The following ABCA12 variants were observed in gnomAD, a reference collection of about 807,000 sequenced individuals.
ABCA12 encodes glucosylceramide transporter ABCA12.
Under a neutral mutation model 293.5 loss-of-function variants are expected in ABCA12, and 156 were observed. That is an observed-to-expected ratio of 0.53 (90% confidence interval 0.47 to 0.61). The LOEUF is 0.61. ABCA12 is among the 20% of genes least tolerant of loss of function. ABCA12 has a pLI of 0.00. For missense variants in ABCA12, 2,797 were observed against 3,090.2 expected (o/e 0.91, Z 2.25); for synonymous variants, 1,063 against 1,108.0 (o/e 0.96, Z 0.81).
intron 39 of ABCA12, among the ~76,000 whole-genome samples, chr2:214,966,016 A>G (rs1195306137): frequency 2.0e-5 from 3 of 152,250 alleles, no homozygotes; most frequent in African/African-American, 7.2e-5. Context: ...CTGGATAAAT[A>G]AAATGTGGTA....
At chr2:214,945,567 A>T (rs1202945423) in intron 48 of ABCA12, among the ~76,000 whole-genome samples, 2 of 152,202 alleles carry the variant, frequency 1.3e-5, no homozygotes, top group Non-Finnish European at 2.9e-5. Context: ...GTTTTCTGTT[A>T]TTAATTGAAA....
chr2:215,092,744 G>A (rs1342857665), intron 2 of ABCA12, among the ~76,000 whole-genome samples: 1 of 152,070 alleles, frequency 6.6e-6, no homozygotes. Flanking sequence ...CAACCAAATT[G>A]TCTTGCCTAT....
At chr2:215,033,010 C>T (rs1299671897) in intron 8 of ABCA12, among the ~76,000 whole-genome samples, 4 of 152,168 alleles carry the variant, frequency 2.6e-5, no homozygotes, top group Non-Finnish European at 4.4e-5. Flanking sequence ...TTGTCTGTCA[C>T]CTGTATCAGT....
chr2:215,086,517 A>G (rs571906544), intron 2 of ABCA12, among the ~76,000 whole-genome samples: 42 of 152,336 alleles, frequency 2.8e-4, no homozygotes, highest in Admixed American at 8.5e-4. Flanking sequence ...TGGCTTGACT[A>G]GAAATACTGT....
At chr2:215,104,048 T>C (rs1702413019) in intron 2 of ABCA12, among the ~76,000 whole-genome samples, 1 of 152,162 alleles carries the variant, frequency 6.6e-6, no homozygotes, top group Non-Finnish European at 1.5e-5. Context: ...TCGGATAGAC[T>C]TGGACATTAG....
chr2:214,942,916 G>A lies in ABCA12; in HGVS notation c.7436+9C>T. On this transcript the variant is annotated intron_variant, in intron 50 of 52. Transcript: ENST00000272895. Reference sequence around the variant, plus strand: ...ACACTATCTGTTAAGCAATGCATTTGTTCTTCACCTGCTCTTTATGTGCTG... The same window carrying A: ...ACACTATCTGTTAAGCAATGCATTTATTCTTCACCTGCTCTTTATGTGCTG... 1 of 1,611,542 alleles carries A rather than the reference G, an allele frequency of 6.2e-7. No individual in the cohort carries two copies. Among genetic ancestry groups the A allele is most frequent in the Non-Finnish European group, 8.5e-7 (1 of 1,178,400 alleles).
intron 2 of ABCA12, among the ~76,000 whole-genome samples, chr2:215,092,006 C>T (rs1312007230): frequency 1.3e-5 from 2 of 152,214 alleles, no homozygotes; most frequent in African/African-American, 2.4e-5. Context: ...CCCTGGAATG[C>T]TGGCCCAAAG....
chr2:214,986,464 T>C (rs1287651385), intron 28 of ABCA12, 78 bp downstream of exon 28: 7 of 1,304,406 alleles, frequency 5.4e-6, no homozygotes, highest in Non-Finnish European at 7.7e-6. Context: ...TTTATAAACA[T>C]AGGTTAGTTT....
rs1446103729 is a variant in ABCA12, at chr2:214,931,799, A to G, written c.*835T>C. On this transcript the variant is annotated 3_prime_UTR_variant, in exon 53 of 53. Coordinates refer to ENST00000272895, the MANE Select transcript of ABCA12 (RefSeq NM_173076.3). ...GAATGTTTCCTGAAAAGAAACCCCA[A>G]ATATGAGGGTTTCTGAAAGAGCTTT... 1 of 152,498 alleles carries G rather than the reference A, an allele frequency of 6.6e-6. No homozygotes were observed. Among genetic ancestry groups the G allele is most frequent in the East Asian group, 1.9e-4 (1 of 5,188 alleles). 9.4% of individuals were successfully genotyped at this position (152,498 alleles called of 1,614,324 possible).
Position 215,129,861 on chromosome 2 carries a change from G to A in ABCA12, c.69+8279C>T, listed in dbSNP as rs543394112. On this transcript the variant is annotated intron_variant, in intron 1 of 52. Coordinates refer to ENST00000272895, the MANE Select transcript of ABCA12 (RefSeq NM_173076.3). ...TTCTTTTAGGATTTTTATAGTTTAA[G>A]TCTTATGTTTAGGTCTTTAATCCAT... Among the ~76,000 whole-genome samples the A allele has an allele frequency of 7.9e-5, 12 of 152,232 alleles. No homozygotes were observed. The South Asian group carries it at 2.3e-3, about 29-fold the overall frequency.
intron 23 of ABCA12, among the ~76,000 whole-genome samples, chr2:214,994,765 A>C (rs1700000012): frequency 6.6e-6 from 1 of 152,214 alleles, no homozygotes; most frequent in African/African-American, 2.4e-5. Context: ...AAAATTGTTT[A>C]ATGTGAAGTA....
chr2:215,015,923 T>A (rs1290502747), intron 14 of ABCA12, among the ~76,000 whole-genome samples: 1 of 151,668 alleles, frequency 6.6e-6, no homozygotes. Context: ...GGCGGGTGGA[T>A]CACGAGGTCA....
Position 214,958,469 on chromosome 2 carries a change from AGG to A in ABCA12, c.5940-17_5940-16del, listed in dbSNP as rs1478052893. The stretch of plus-strand genomic sequence containing the variant: ...AACTGCTGATTCTAGAGTGAGCAAT[AGG>A]GAGAGGAAAACACACATAAGTTTTT... On this transcript the variant is annotated splice_polypyrimidine_tract_variant and intron_variant, in intron 40 of 52. Coordinates refer to ENST00000272895, the MANE Select transcript of ABCA12 (RefSeq NM_173076.3). The A allele has an allele frequency of 1.4e-5, 22 of 1,613,074 alleles. No homozygotes were observed. The highest frequency in any genetic ancestry group is 1.8e-5 in the Non-Finnish European group (21 of 1,179,376).
chr2:215,064,280 A>G, intron 2 of ABCA12, 61 bp from the exon 3 acceptor site: 1 of 1,546,126 alleles, frequency 6.5e-7, no homozygotes, highest in African/African-American at 1.5e-5. Context: ...AAGAACATAA[A>G]TGCAGTAACT....
intron 2 of ABCA12, among the ~76,000 whole-genome samples, chr2:215,072,256 A>G (rs756958667): frequency 6.6e-6 from 1 of 152,168 alleles, no homozygotes; most frequent in Non-Finnish European, 1.5e-5. Context: ...GCTGCTGCCA[A>G]GTACCACAGC....
At chr2:215,020,460 T>C (rs754801155) in intron 11 of ABCA12, among the ~76,000 whole-genome samples, 1 of 152,202 alleles carries the variant, frequency 6.6e-6, no homozygotes, top group Non-Finnish European at 1.5e-5. Context: ...ATTCCACTTA[T>C]ATGATGAGGT....
chr2:214,944,975 C>T (rs765498629), intron 49 of ABCA12, 26 bp downstream of exon 49: 9 of 1,595,994 alleles, frequency 5.6e-6, no homozygotes, highest in Middle Eastern at 1.7e-4. Context: ...TGTGTGGATT[C>T]GCTTTAAAGA....
intron 2 of ABCA12, among the ~76,000 whole-genome samples, chr2:215,100,684 G>A (rs1184357898): frequency 1.3e-5 from 2 of 151,784 alleles, no homozygotes; most frequent in East Asian, 1.9e-4. Flanking sequence ...CAATTCCATC[G>A]TAAGCAACTT....
chr2:215,001,697 G>A lies in ABCA12; in HGVS notation c.2724C>T (p.Ile908=), dbSNP rs547921419. 19 of 1,613,484 alleles carry A rather than the reference G, an allele frequency of 1.2e-5. No individual in the cohort carries two copies. The East Asian group carries it at 3.1e-4, about 27-fold the overall frequency. Residue 908 remains isoleucine (I), a synonymous_variant, in exon 21 of 53, where the codon ATC becomes ATT. Transcript: ENST00000272895. Reference sequence around the variant, plus strand: ...GGGAAGATAGTGTGTTAAGCTGATCGATGATGTCAATGTTGTTCTCTAATT... The same window carrying A: ...GGGAAGATAGTGTGTTAAGCTGATCAATGATGTCAATGTTGTTCTCTAATT... ...RLKLENNIDI[I]DQLNTLSSLT...
Sources: allele counts gnomAD v4.1 joint callset (sites outside exome capture counted in the v4.1 genomes callset), GRCh38; gene constraint gnomAD v4.1.1; transcripts MANE v1.5; gene names NCBI Gene and HGNC (gene_info 2026-07-23, HGNC 2026-07-21).